The following NLGN1 variants were observed in gnomAD, a reference collection of about 807,000 sequenced individuals.
The protein encoded by NLGN1 is neuroligin 1, also known as neuroligin-1.
NLGN1 carries 12 observed loss-of-function variants against 65.5 expected under a neutral mutation model. The ratio of observed to expected loss-of-function variants is 0.18; its 90% CI spans 0.12 to 0.30. NLGN1 has a LOEUF of 0.30. NLGN1 is among the 10% of genes least tolerant of loss of function. NLGN1 has a pLI of 1.00. For missense variants in NLGN1, 750 were observed against 1,007.1 expected (o/e 0.74, Z 3.46); for synonymous variants, 350 against 359.5 (o/e 0.97, Z 0.30).
intron 3 of NLGN1, among the ~76,000 whole-genome samples, chr3:173,794,424 G>C (rs1248551419): frequency 6.6e-6 from 1 of 152,076 alleles, no homozygotes; most frequent in Non-Finnish European, 1.5e-5. Context: ...ATGGCAGGGA[G>C]GTTGGATTAT....
intron 4 of NLGN1, among the ~76,000 whole-genome samples, chr3:173,891,932 G>A (rs1004108889): frequency 6.7e-6 from 1 of 148,286 alleles, no homozygotes; most frequent in Non-Finnish European, 1.5e-5. Flanking sequence ...ATGCAAGAAA[G>A]TGCACTAAAT....
intron 4 of NLGN1, among the ~76,000 whole-genome samples, chr3:174,264,052 C>T (rs1456775196): frequency 2.3e-4 from 34 of 149,924 alleles, no homozygotes; most frequent in African/African-American, 5.4e-4. Flanking sequence ...CCGAGAGATC[C>T]GCTGTTAGTC....
chr3:174,142,482 G>T (rs1489207605), intron 4 of NLGN1, among the ~76,000 whole-genome samples: 1 of 152,006 alleles, frequency 6.6e-6, no homozygotes, highest in Non-Finnish European at 1.5e-5. Context: ...TGAGTTAAAA[G>T]GTATGTTAGT....
intron 4 of NLGN1, among the ~76,000 whole-genome samples, chr3:174,133,893 AACACACACAC>A (rs5854553): frequency 0.057 from 8,219 of 144,884 alleles, 322 homozygotes; most frequent in African/African-American, 0.11. Flanking sequence ...CACCCCACAA[AACACACACAC>A]ACACACACAC....
intron 1 of NLGN1, among the ~76,000 whole-genome samples, chr3:173,424,713 C>T (rs888550054): frequency 6.6e-6 from 1 of 152,192 alleles, no homozygotes; most frequent in Non-Finnish European, 1.5e-5. Context: ...TCTGAGACCA[C>T]CTCAGCCTAG....
intron 4 of NLGN1, among the ~76,000 whole-genome samples, chr3:174,006,632 T>C (rs1579719056): frequency 6.6e-6 from 1 of 152,172 alleles, no homozygotes; most frequent in South Asian, 2.1e-4. Flanking sequence ...TAGACCTCAA[T>C]TGTGGACAAA....
rs552979681 is a variant in NLGN1, at chr3:174,083,129, C to T, written c.647-192186C>T. ...TCTAATAAATGAAATAAATATCAGA[C>T]ATATAACATATATGTTAGAAAATGA... is the stretch of plus-strand genomic sequence containing the variant. On this transcript the variant is annotated intron_variant, in intron 4 of 6. Coordinates refer to ENST00000457714, the Ensembl canonical transcript of NLGN1. Among the ~76,000 whole-genome samples, 258 of 152,012 alleles carry T rather than the reference C, an allele frequency of 1.7e-3. 2 individuals are homozygous for T. Among genetic ancestry groups the T allele is most frequent in the African/African-American group, 6.1e-3 (252 of 41,448 alleles).
intron 4 of NLGN1, among the ~76,000 whole-genome samples, chr3:173,994,465 CAAAAAAAAAAAAAA>C (rs1170577220): frequency 6.1e-5 from 2 of 32,916 alleles, no homozygotes; most frequent in South Asian, 4.3e-3. Context: ...TTGAGAAAAG[CAAAAAAAAAAAAAA>C]AAAAAAAAAA....
chr3:174,139,325 T>G (rs1721868029), intron 4 of NLGN1, among the ~76,000 whole-genome samples: 1 of 152,200 alleles, frequency 6.6e-6, no homozygotes, highest in Admixed American at 6.5e-5. Flanking sequence ...CTCCGTAGTT[T>G]GGGGATTTTT....
At chr3:173,764,656 A>C (rs1025651371) in intron 3 of NLGN1, among the ~76,000 whole-genome samples, 5 of 152,184 alleles carry the variant, frequency 3.3e-5, no homozygotes, top group Non-Finnish European at 7.3e-5. Flanking sequence ...CATAATCTGC[A>C]TAACTACCTG....
chr3:173,713,106 T>A (rs1434215619), intron 3 of NLGN1, among the ~76,000 whole-genome samples: 3 of 152,166 alleles, frequency 2.0e-5, no homozygotes, highest in Admixed American at 6.5e-5. Context: ...TTTATAATTC[T>A]GGGCAGACAT....
chr3:173,909,956 G>C (rs9820748), intron 4 of NLGN1, among the ~76,000 whole-genome samples: 35,220 of 152,102 alleles, frequency 0.23, 4,401 homozygotes, highest in East Asian at 0.34. Context: ...GGCATTACAG[G>C]CGTGAGCCAT....
intron 2 of NLGN1, among the ~76,000 whole-genome samples, chr3:173,443,269 T>C (rs1193019731): frequency 6.7e-6 from 1 of 148,852 alleles, no homozygotes; most frequent in Non-Finnish European, 1.5e-5. Context: ...TTTAAAAAAA[T>C]TGCCCAATTT....
intron 2 of NLGN1, among the ~76,000 whole-genome samples, chr3:173,479,634 T>C (rs1423299803): frequency 1.3e-5 from 2 of 152,098 alleles, no homozygotes; most frequent in Non-Finnish European, 2.9e-5. Context: ...ATGACCTTCA[T>C]TGGCCATGTG....
intron 4 of NLGN1, among the ~76,000 whole-genome samples, chr3:174,111,002 A>C (rs2152617425): frequency 6.6e-6 from 1 of 152,114 alleles, no homozygotes; most frequent in East Asian, 1.9e-4. Flanking sequence ...GTCAGTCCTT[A>C]TACACACTTG....
chr3:173,781,541 A>G (rs568972929), intron 3 of NLGN1, among the ~76,000 whole-genome samples: 3 of 152,308 alleles, frequency 2.0e-5, no homozygotes, highest in Admixed American at 6.5e-5. Context: ...TAATGGATAC[A>G]TTGTTGTCAA....
At chr3:174,071,690 AGCGAGACCCTTT>A (rs1179196147) in intron 4 of NLGN1, among the ~76,000 whole-genome samples, 1 of 150,202 alleles carries the variant, frequency 6.7e-6, no homozygotes, top group Non-Finnish European at 1.5e-5. Flanking sequence ...TGGATGACAC[AGCGAGACCCTTT>A]GCGAGACCCT....
At position 173,483,004 on chromosome 3, in the gene NLGN1, A is replaced by G. The variant is rs13326670; in HGVS notation, c.-321+47926A>G. Among the ~76,000 whole-genome samples, 528 of 152,130 alleles carry G rather than the reference A, an allele frequency of 3.5e-3. 4 individuals carry two copies. The highest frequency in any genetic ancestry group is 0.012 in the African/African-American group (494 of 41,550). On this transcript the variant is annotated intron_variant, in intron 2 of 6. Transcript: ENST00000457714. ...CGTAATCAGTGGTAGAATTTAGAGA[A>G]GATACAAATCACTTCACTTCCTGTT...
chr3:173,686,548 C>T (rs1321009155), intron 3 of NLGN1, among the ~76,000 whole-genome samples: 1 of 152,084 alleles, frequency 6.6e-6, no homozygotes, highest in African/African-American at 2.4e-5. Flanking sequence ...ATTTTATTGT[C>T]ATTACTATGT....
Sources: gnomAD v4.1 joint callset for allele counts (sites outside exome capture counted in the v4.1 genomes callset) on GRCh38, gnomAD v4.1.1 for gene constraint, MANE v1.5 for transcripts, NCBI Gene and HGNC (gene_info 2026-07-23, HGNC 2026-07-21) for gene names.